DPP10: variants seen among roughly 807,000 people sequenced by gnomAD.
DPP10 encodes the protein inactive dipeptidyl peptidase 10.
Under a neutral mutation model 120.9 loss-of-function variants are expected in DPP10, and 33 were observed. That is an observed-to-expected ratio of 0.27 (90% CI 0.21 to 0.37). The LOEUF (loss-of-function observed/expected upper bound fraction) is 0.37. Ranked by LOEUF, DPP10 falls within the 10% of genes least tolerant of loss-of-function variation. The probability of loss-of-function intolerance (pLI) is 1.00; values close to 1 mark genes in which losing one functional copy is unlikely to be tolerated. For missense variants in DPP10, 816 were observed against 942.8 expected, an observed-to-expected ratio of 0.87 and a Z score of 1.76; for synonymous variants, 337 against 326.1, an observed-to-expected ratio of 1.03 and a Z score of -0.36.
chr2:114,464,641 C>A (rs1266682989), intron 1 of DPP10, among the ~76,000 whole-genome samples: 2 of 151,946 alleles, frequency 1.3e-5, no homozygotes, highest in Admixed American at 1.3e-4. Context: ...TGGTTATATC[C>A]TCTACTATAC....
chr2:115,468,508 C>T (rs1011538472), intron 3 of DPP10: 4 of 436,998 alleles, frequency 9.2e-6, no homozygotes, highest in African/African-American at 8.0e-5. Flanking sequence ...ACAGATTCTC[C>T]TCTGTGCTAT....
chr2:115,719,681 T>C (rs1412722290), intron 7 of DPP10, among the ~76,000 whole-genome samples: 1 of 152,236 alleles, frequency 6.6e-6, no homozygotes, highest in Non-Finnish European at 1.5e-5. Flanking sequence ...ATTGTGGCTT[T>C]CAGTAAATTT....
At chr2:115,790,180 C>T (rs113438976) in intron 17 of DPP10, among the ~76,000 whole-genome samples, 2,593 of 151,490 alleles carry the variant, frequency 0.017, 83 homozygotes, top group African/African-American at 0.059. Flanking sequence ...CCCGGGTTCA[C>T]GCCATTCTCC....
chr2:114,452,110 T>C (rs1030751457), intron 1 of DPP10, among the ~76,000 whole-genome samples: 14 of 152,166 alleles, frequency 9.2e-5, no homozygotes, highest in African/African-American at 3.1e-4. Context: ...AATTTTCCTC[T>C]TTAATATTTG....
chr2:115,098,760 C>G (rs17044046), intron 1 of DPP10, among the ~76,000 whole-genome samples: 23,469 of 152,082 alleles, frequency 0.15, 1,966 homozygotes, highest in East Asian at 0.17. Context: ...AGCCCATGCA[C>G]TATAGCTAGT....
intron 7 of DPP10, among the ~76,000 whole-genome samples, chr2:115,726,105 T>C (rs1036213645): frequency 1.3e-5 from 2 of 152,178 alleles, no homozygotes; most frequent in African/African-American, 4.8e-5. Flanking sequence ...CAATAAATAT[T>C]ATTTGTTAAT....
chr2:114,459,861 A>T (rs1678780042), intron 1 of DPP10, among the ~76,000 whole-genome samples: 1 of 152,132 alleles, frequency 6.6e-6, no homozygotes, highest in South Asian at 2.1e-4. Flanking sequence ...TCCTGTTATC[A>T]TGGTGACTTA....
chr2:115,801,881 G>T (rs540975144), intron 19 of DPP10, among the ~76,000 whole-genome samples: 2 of 152,230 alleles, frequency 1.3e-5, no homozygotes, highest in African/African-American at 4.8e-5. Context: ...CAAGGATATT[G>T]GTCTAAAATT....
chr2:115,079,471 T>C (rs973470079), intron 1 of DPP10, among the ~76,000 whole-genome samples: 1 of 152,186 alleles, frequency 6.6e-6, no homozygotes, highest in Non-Finnish European at 1.5e-5. Context: ...ATGGGAACGT[T>C]AGCAGAACAC....
At chr2:114,865,649 G>A (rs370000610) in intron 1 of DPP10, among the ~76,000 whole-genome samples, 2 of 152,206 alleles carry the variant, frequency 1.3e-5, no homozygotes, top group East Asian at 1.9e-4. Context: ...TTGGCTGGGC[G>A]TTGTCTTAGG....
At chr2:115,777,906 A>C (rs534233878) in intron 15 of DPP10, 72 bp downstream of exon 15, 1 of 1,502,808 alleles carries the variant, frequency 6.7e-7, no homozygotes, top group African/African-American at 1.4e-5. Flanking sequence ...TAAGGAAGGA[A>C]AGGAAAAATT....
rs149462158 is a variant in DPP10 at position 114,960,366 on chromosome 2, G to GTATATATATATATATA, written c.61-348868_61-348853dup. On this transcript the variant is annotated intron_variant, in intron 1 of 25. Transcript: ENST00000410059. ...CTCTGGTTGTACAGAGTGTATGTGC[G>GTATATATATATATATA]TATATATATATATATATATACTTTT... 7.2e-4 allele frequency among the ~76,000 whole-genome samples: 103 copies of GTATATATATATATATA among 143,806 alleles called. 1 individual carries two copies. Among genetic ancestry groups the GTATATATATATATATA allele is most frequent in the African/African-American group, 2.2e-3 (86 of 38,968 alleles). 94.3% of individuals were successfully genotyped at this position (143,806 alleles called of 152,430 possible).
intron 1 of DPP10, among the ~76,000 whole-genome samples, chr2:114,884,948 G>C (rs183424677): frequency 1.5e-3 from 232 of 152,240 alleles, no homozygotes; most frequent in Middle Eastern, 0.01. Context: ...TCATAGAAAG[G>C]ATGAAGTAAC....
At position 115,102,449 on chromosome 2, in the gene DPP10, C is replaced by T. The variant is rs367963404; in HGVS notation, c.61-206790C>T. ...TTTTTGAGATAGGGTCTCACTCTGTCGCCCAGTCTGGAGTGCAGTGATGTA... is the reference window on the plus strand; with the variant it reads ...TTTTTGAGATAGGGTCTCACTCTGTTGCCCAGTCTGGAGTGCAGTGATGTA... On this transcript the variant is annotated intron_variant, in intron 1 of 25. Transcript: ENST00000410059. Among the ~76,000 whole-genome samples the T allele has an allele frequency of 1.2e-3, 187 of 152,168 alleles. 4 individuals carry two copies. In the South Asian group the frequency reaches 0.036, roughly 30 times the overall value.
chr2:114,973,709 G>T (rs1190123494), intron 1 of DPP10, among the ~76,000 whole-genome samples: 1 of 145,842 alleles, frequency 6.9e-6, no homozygotes, highest in Non-Finnish European at 1.5e-5. Flanking sequence ...GCCTCAGGCA[G>T]GTCTCTTAGG....
intron 5 of DPP10, among the ~76,000 whole-genome samples, chr2:115,618,272 G>C (rs939913877): frequency 6.6e-6 from 1 of 152,122 alleles, no homozygotes; most frequent in Non-Finnish European, 1.5e-5. Flanking sequence ...GAGTGAAAAG[G>C]CATAGCATTT....
rs555001725 is a variant in DPP10, at chr2:115,656,723, T to C, written c.442-32964T>C. 2.0e-5 allele frequency among the ~76,000 whole-genome samples: 3 copies of C among 151,830 alleles called. No homozygotes were observed. In the South Asian group the frequency reaches 6.2e-4, roughly 31 times the overall value. On this transcript the variant is annotated intron_variant, in intron 5 of 25. Coordinates refer to ENST00000410059, the MANE Select transcript of DPP10 (RefSeq NM_020868.6). ...TTAATTTGTTACCAGCGGGAGAAAG[T>C]CACCATTATATTTGGCGTGTATTCC...
intron 1 of DPP10, among the ~76,000 whole-genome samples, chr2:115,007,214 A>G (rs1701917490): frequency 6.6e-6 from 1 of 152,186 alleles, no homozygotes; most frequent in Non-Finnish European, 1.5e-5. Context: ...CACATCAAAA[A>G]GCTTATCCAC....
chr2:115,604,371 C>T (rs180745610), intron 5 of DPP10, among the ~76,000 whole-genome samples: 1 of 152,236 alleles, frequency 6.6e-6, no homozygotes. Context: ...AAAAAACTAT[C>T]CAGCTTCTGA....
Sources: allele counts gnomAD v4.1 joint callset (sites outside exome capture counted in the v4.1 genomes callset), GRCh38; gene constraint gnomAD v4.1.1; transcripts MANE v1.5; gene names NCBI Gene and HGNC (gene_info 2026-07-23, HGNC 2026-07-21).